Variants in NBEA observed in about 807,000 individuals in gnomAD.
The protein encoded by NBEA is lysosomal-trafficking regulator 2.
In NBEA, 44 loss-of-function variants were observed where a neutral mutation model predicts 343.4. The observed-to-expected ratio is 0.13, with a 90% CI of 0.10 to 0.16. The LOEUF is 0.16. Ranked by LOEUF, NBEA falls within the 10% of genes least tolerant of loss-of-function variation. The pLI, the probability that NBEA is intolerant of heterozygous loss-of-function variation, is 1.00. For synonymous variants in NBEA, 1,175 were observed against 1,238.7 expected (o/e 0.95, Z 1.08); for missense variants, 2,555 against 3,631.3 (o/e 0.70, Z 7.62).
intron 36 of NBEA, among the ~76,000 whole-genome samples, chr13:35,333,448 G>A (rs533893064): frequency 6.6e-5 from 10 of 152,116 alleles, no homozygotes; most frequent in South Asian, 2.1e-4. Context: ...TGTGGGGTAC[G>A]AGATGTTTTG....
intron 34 of NBEA, among the ~76,000 whole-genome samples, chr13:35,270,454 T>A (rs2034042396): frequency 6.6e-6 from 1 of 152,188 alleles, no homozygotes; most frequent in South Asian, 2.1e-4. Context: ...GTGAGGTACC[T>A]CGTTCATCTC....
Position 35,476,237 on chromosome 13 carries a change from G to A in NBEA, c.6585+3701G>A. 2.5e-6 allele frequency: 4 copies of A among 1,570,080 alleles called. No homozygotes were observed. In the East Asian group the frequency reaches 6.7e-5, roughly 26 times the overall value. On this transcript the variant is annotated intron_variant, in intron 41 of 58. Transcript: ENST00000379939. Reference sequence around the variant, plus strand: ...GGAGCCAACTTCGGTGGAGAAACGGGCCGCAACACTCAGAAATGGATCAAA... The same window carrying A: ...GGAGCCAACTTCGGTGGAGAAACGGACCGCAACACTCAGAAATGGATCAAA...
At chr13:35,386,024 A>G (rs560431183) in intron 38 of NBEA, among the ~76,000 whole-genome samples, 1 of 152,278 alleles carries the variant, frequency 6.6e-6, no homozygotes, top group Non-Finnish European at 1.5e-5. Context: ...GTTTTAATTA[A>G]AATACACATT....
intron 21 of NBEA, 26 bp downstream of exon 21, chr13:35,157,296 A>G (rs777480085): frequency 6.8e-7 from 1 of 1,481,158 alleles, no homozygotes; most frequent in South Asian, 1.5e-5. Context: ...ACATTTTAAC[A>G]TCATCAGAGT....
intron 1 of NBEA, among the ~76,000 whole-genome samples, chr13:35,004,165 T>C (rs2061238427): frequency 6.6e-6 from 1 of 152,192 alleles, no homozygotes; most frequent in African/African-American, 2.4e-5. Context: ...CCATTTTCTT[T>C]ATCCAGTATA....
At chr13:35,414,911 C>T (rs1053502302) in intron 38 of NBEA, among the ~76,000 whole-genome samples, 12 of 152,020 alleles carry the variant, frequency 7.9e-5, no homozygotes, top group South Asian at 2.1e-4. Flanking sequence ...TGACTTGATT[C>T]AATGATCGCC....
rs191035890 is a variant in NBEA at position 35,390,372 on chromosome 13, A to G, written c.6179+38049A>G. ...GACTTTAATCCATTTGGAACCAGAC[A>G]CAAGACAATACAAGGACAAAATTTT... On this transcript the variant is annotated intron_variant, in intron 38 of 58. Coordinates refer to ENST00000379939, the MANE Select transcript of NBEA (RefSeq NM_001385012.1). Among the ~76,000 whole-genome samples, 77 of 152,316 alleles carry G rather than the reference A, an allele frequency of 5.1e-4. 1 individual carries two copies. Among genetic ancestry groups the G allele is most frequent in the African/African-American group, 1.8e-3 (76 of 41,580 alleles).
At chr13:35,271,264 CCTGA>C (rs1594023706) in intron 34 of NBEA, among the ~76,000 whole-genome samples, 2 of 152,336 alleles carry the variant, frequency 1.3e-5, no homozygotes, top group South Asian at 4.1e-4. Flanking sequence ...AGCTGAGGGA[CCTGA>C]CTGTTAGAAG....
intron 38 of NBEA, among the ~76,000 whole-genome samples, chr13:35,389,993 G>C (rs1343623535): frequency 6.6e-6 from 1 of 151,432 alleles, no homozygotes; most frequent in African/African-American, 2.4e-5. Context: ...GTGTGTGTGT[G>C]TGTGTGTGTG....
At chr13:35,124,768 A>G (rs937015070) in intron 17 of NBEA, among the ~76,000 whole-genome samples, 7 of 150,142 alleles carry the variant, frequency 4.7e-5, no homozygotes, top group Non-Finnish European at 1.0e-4. Context: ...GGATATATAT[A>G]CACACATATA....
At chr13:35,267,898 A>C (rs747414363) in intron 34 of NBEA, among the ~76,000 whole-genome samples, 5 of 151,940 alleles carry the variant, frequency 3.3e-5, no homozygotes, top group Non-Finnish European at 5.9e-5. Context: ...TTAAACACTG[A>C]ACTGTTGGTG....
intron 1 of NBEA, among the ~76,000 whole-genome samples, chr13:34,998,360 A>G (rs951203705): frequency 3.3e-5 from 5 of 152,222 alleles, no homozygotes; most frequent in African/African-American, 1.2e-4. Context: ...AGGCATTGTC[A>G]TTGATAACAT....
chr13:34,960,782 G>A (rs539425881), intron 1 of NBEA, among the ~76,000 whole-genome samples: 77 of 152,020 alleles, frequency 5.1e-4, no homozygotes, highest in Non-Finnish European at 1.0e-3. Context: ...AGTACACTCT[G>A]ATATTTGTAC....
chr13:35,617,898 A>G (rs1156549141), intron 48 of NBEA, among the ~76,000 whole-genome samples: 1 of 152,242 alleles, frequency 6.6e-6, no homozygotes, highest in Admixed American at 6.5e-5. Context: ...TATGTAATAT[A>G]CAAAGTCTAG....
intron 1 of NBEA, among the ~76,000 whole-genome samples, chr13:34,986,047 C>G (rs1377949027): frequency 1.3e-5 from 2 of 150,566 alleles, no homozygotes; most frequent in Non-Finnish European, 3.0e-5. Flanking sequence ...CAGTTCTGCT[C>G]TGATCTTAGT....
intron 1 of NBEA, among the ~76,000 whole-genome samples, chr13:35,005,051 C>T (rs1482981040): frequency 2.6e-5 from 4 of 151,856 alleles, no homozygotes; most frequent in Admixed American, 1.3e-4. Context: ...AACTATGTGC[C>T]AAGCATTATA....
At chr13:35,627,912 G>T (rs994594894) in intron 48 of NBEA, among the ~76,000 whole-genome samples, 169 bp from the exon 49 acceptor site, 1 of 151,784 alleles carries the variant, frequency 6.6e-6, no homozygotes, top group African/African-American at 2.4e-5. Flanking sequence ...TACTGAGGTA[G>T]TATTTTTCCA....
intron 17 of NBEA, among the ~76,000 whole-genome samples, chr13:35,127,695 G>A (rs189906234): frequency 2.6e-5 from 4 of 151,982 alleles, no homozygotes; most frequent in Non-Finnish European, 4.4e-5. Context: ...TCTCATAGTA[G>A]GGAAATACCC....
chr13:35,303,033 G>A (rs1430582054), intron 35 of NBEA, among the ~76,000 whole-genome samples: 5 of 152,090 alleles, frequency 3.3e-5, no homozygotes, highest in Non-Finnish European at 7.4e-5. Context: ...AGTATTTGAT[G>A]TCTACCTATG....
Sources: allele counts gnomAD v4.1 joint callset (sites outside exome capture counted in the v4.1 genomes callset), GRCh38; gene constraint gnomAD v4.1.1; transcripts MANE v1.5; gene names NCBI Gene and HGNC (gene_info 2026-07-23, HGNC 2026-07-21).